Variants in MARK2 observed in about 807,000 individuals in gnomAD.
MARK2 encodes microtubule affinity regulating kinase 2.
In MARK2, 16 loss-of-function variants were observed where a neutral mutation model predicts 89.8. The ratio of observed to expected loss-of-function variants is 0.18; its 90% CI spans 0.12 to 0.27. MARK2 has a LOEUF of 0.27. Ranked by LOEUF, MARK2 falls within the 10% of genes least tolerant of loss-of-function variation. MARK2 has a pLI of 1.00. For missense variants in MARK2, 621 were observed against 1,049.9 expected, an observed-to-expected ratio of 0.59 and a Z score of 5.65; for synonymous variants, 382 against 399.5, an observed-to-expected ratio of 0.96 and a Z score of 0.52.
At chr11:63,851,317 C>T (rs556554293) in intron 1 of MARK2, among the ~76,000 whole-genome samples, 1 of 152,108 alleles carries the variant, frequency 6.6e-6, no homozygotes, top group African/African-American at 2.4e-5. Flanking sequence ...CCCCTCAGAA[C>T]TCATGGAGAT....
At chr11:63,908,621 G>A (rs746911160) in intron 18 of MARK2, among the ~76,000 whole-genome samples, 16 of 152,180 alleles carry the variant, frequency 1.1e-4, no homozygotes, top group Non-Finnish European at 2.2e-4. Context: ...GTCTGTGCTC[G>A]TGCTGTTGAG....
chr11:63,877,268 G>A (rs1565116562), intron 1 of MARK2, among the ~76,000 whole-genome samples: 4 of 151,266 alleles, frequency 2.6e-5, no homozygotes, highest in Admixed American at 2.0e-4. Flanking sequence ...CCACCACCAC[G>A]CCTGGCTGAT....
At chr11:63,899,201 C>A in intron 7 of MARK2, 93 bp downstream of exon 7, 1 of 787,710 alleles carries the variant, frequency 1.3e-6, no homozygotes, top group African/African-American at 1.7e-5. Context: ...CCATCAGGCC[C>A]TGAGTGTTCC....
chr11:63,901,422 G>GTGTGTGTGTGTGTGTGTGT (rs1940855048), intron 11 of MARK2, among the ~76,000 whole-genome samples: 9 of 139,696 alleles, frequency 6.4e-5, no homozygotes, highest in African/African-American at 2.4e-4. Flanking sequence ...TACATTTCTG[G>GTGTGTGTGTGTGTGTGTGT]GTGTGTGTGT....
At chr11:63,872,094 G>A (rs1938485226) in intron 1 of MARK2, among the ~76,000 whole-genome samples, 1 of 152,228 alleles carries the variant, frequency 6.6e-6, no homozygotes, top group Non-Finnish European at 1.5e-5. Context: ...AGTGGAGGCT[G>A]ATGGTAGCAG....
At chr11:63,869,881 G>A (rs1938350712) in intron 1 of MARK2, among the ~76,000 whole-genome samples, 1 of 152,144 alleles carries the variant, frequency 6.6e-6, no homozygotes, top group African/African-American at 2.4e-5. Context: ...AGGCTTGTGA[G>A]CACAGAGGCA....
At chr11:63,884,683 G>C (rs965565411) in intron 1 of MARK2, among the ~76,000 whole-genome samples, 16 of 152,216 alleles carry the variant, frequency 1.1e-4, no homozygotes, top group African/African-American at 3.9e-4. Context: ...GTTAATTTTG[G>C]GGGTGGGAGC....
Position 63,839,473 on chromosome 11 carries a change from GCTT to G in MARK2, c.-31_-29del, listed in dbSNP as rs760518093. The G allele has an allele frequency of 1.7e-5, 25 of 1,438,714 alleles. No homozygotes were observed. The African/African-American group carries it at 3.4e-4, about 20-fold the overall frequency. 89.1% of individuals were successfully genotyped at this position (1,438,714 alleles called of 1,614,324 possible). A position where few individuals can be genotyped will look rare whatever the true frequency, so the allele number is the denominator to read the frequency against. ...CCTTCCCTTCCCTCCCTTCCTCCAA[GCTT>G]CTCGGTTCCCTCCCCCGAGATACCG... is the stretch of plus-strand genomic sequence containing the variant. On this transcript the variant is annotated 5_prime_UTR_variant, in exon 1 of 19. Transcript: ENST00000402010.
intron 1 of MARK2, among the ~76,000 whole-genome samples, chr11:63,851,861 G>A (rs940386605): frequency 1.3e-5 from 2 of 152,150 alleles, no homozygotes; most frequent in African/African-American, 2.4e-5. Context: ...CCTGGTGACA[G>A]GGTTTAAGCT....
Position 63,901,500 on chromosome 11 carries a change from C to T in MARK2, c.1101+431C>T, listed in dbSNP as rs145561709. Among the ~76,000 whole-genome samples the T allele has an allele frequency of 2.2e-3, 53 of 24,370 alleles. 1 individual carries two copies. Among genetic ancestry groups the T allele is most frequent in the East Asian group, 7.5e-3 (9 of 1,206 alleles). The allele number at this position is 24,370 out of a possible 152,430, so 16.0% of individuals were successfully genotyped here. A position where few individuals can be genotyped will look rare whatever the true frequency, so the allele number is the denominator to read the frequency against. On this transcript the variant is annotated intron_variant, in intron 11 of 18. Coordinates refer to ENST00000402010, the MANE Select transcript of MARK2 (RefSeq NM_001039469.3). The stretch of plus-strand genomic sequence containing the variant: ...TTTTTTTTTTTTTTTTTTTTTGAGA[C>T]GGAATTTCGCTCTTGTTGCCCAGGC...
At chr11:63,882,349 C>T (rs926252953) in intron 1 of MARK2, among the ~76,000 whole-genome samples, 23 of 152,102 alleles carry the variant, frequency 1.5e-4, no homozygotes, top group Non-Finnish European at 2.5e-4. Context: ...TTTGGGAGGC[C>T]GAGCTGGGCG....
intron 1 of MARK2, among the ~76,000 whole-genome samples, chr11:63,892,917 T>A (rs553775079): frequency 1.3e-5 from 2 of 148,480 alleles, no homozygotes; most frequent in Admixed American, 1.3e-4. Flanking sequence ...TTTTTTTTTT[T>A]TTTTTTTTGA....
intron 1 of MARK2, among the ~76,000 whole-genome samples, chr11:63,848,709 C>T (rs1330634613): frequency 6.6e-6 from 1 of 151,952 alleles, no homozygotes; most frequent in African/African-American, 2.4e-5. Flanking sequence ...CACCACCATG[C>T]CCAGCTAATT....
chr11:63,888,501 G>A (rs1193222227), intron 1 of MARK2: 1 of 1,006,954 alleles, frequency 9.9e-7, no homozygotes, highest in Non-Finnish European at 1.2e-6. Context: ...GGGGGAGGGG[G>A]AGGGGAGAAG....
At chr11:63,868,731 G>T (rs750424148) in intron 1 of MARK2, 2 of 455,142 alleles carry the variant, frequency 4.4e-6, no homozygotes, top group South Asian at 3.1e-5. Flanking sequence ...GGTTACAGTG[G>T]GCTCAGTCTT....
In MARK2 at chr11:63,883,783, T is replaced by C. The variant is rs113021216; in HGVS notation, c.55-11376T>C. Among the ~76,000 whole-genome samples the C allele has an allele frequency of 2.9e-3, 446 of 152,198 alleles. 3 individuals are homozygous for C. The highest frequency in any genetic ancestry group is 0.011 in the African/African-American group (438 of 41,516). ...GTGTTTTTTTGTAGAGCCTGTGTTT[T>C]GCCATGTTGCCCAGGCTGGCCTCGA... On this transcript the variant is annotated intron_variant, in intron 1 of 18. Coordinates refer to ENST00000402010, the MANE Select transcript of MARK2 (RefSeq NM_001039469.3).
intron 1 of MARK2, among the ~76,000 whole-genome samples, chr11:63,860,956 A>G (rs573657642): frequency 7.8e-4 from 119 of 152,334 alleles, no homozygotes; most frequent in Non-Finnish European, 1.5e-3. Flanking sequence ...AGTGCTCAAC[A>G]TATCAATTCG....
chr11:63,839,498 A>G lies in MARK2; in HGVS notation c.-9A>G. ...GCTTCTCGGTTCCCTCCCCCGAGAT[A>G]CCGGCGCCATGTCCAGCGCTCGGAC... On this transcript the variant is annotated 5_prime_UTR_variant, in exon 1 of 19. The change creates a new upstream start codon in the 5' untranslated region. Transcript: ENST00000402010. 1.3e-6 allele frequency: 2 copies of G among 1,520,988 alleles called. No homozygotes were observed. The highest frequency in any genetic ancestry group is 8.9e-7 in the Non-Finnish European group (1 of 1,128,972). 94.2% of individuals were successfully genotyped at this position (1,520,988 alleles called of 1,614,324 possible).
Position 63,910,112 on chromosome 11 carries a change from C to T in MARK2, c.*875C>T. ...AGGGGACTGGAGGGCAGACTGGCTT[C>T]TCGGTCCCCAGGGGGCCGCTTGGGC... On this transcript the variant is annotated 3_prime_UTR_variant, in exon 19 of 19. Coordinates refer to ENST00000402010, the MANE Select transcript of MARK2 (RefSeq NM_001039469.3). 1 of 152,362 alleles carries T rather than the reference C, an allele frequency of 6.6e-6. No homozygotes were observed. Among genetic ancestry groups the T allele is most frequent in the East Asian group, 1.9e-4 (1 of 5,202 alleles). 9.4% of individuals were successfully genotyped at this position (152,362 alleles called of 1,614,324 possible). A position where few individuals can be genotyped will look rare whatever the true frequency, so the allele number is the denominator to read the frequency against.
Sources: gnomAD v4.1 joint callset for allele counts (sites outside exome capture counted in the v4.1 genomes callset) on GRCh38, gnomAD v4.1.1 for gene constraint, MANE v1.5 for transcripts, NCBI Gene and HGNC (gene_info 2026-07-23, HGNC 2026-07-21) for gene names.